The following TMEM154 variants were observed in gnomAD, a reference collection of about 807,000 sequenced individuals.
The protein encoded by TMEM154 is transmembrane protein 154.
Under a neutral mutation model 24.5 loss-of-function variants are expected in TMEM154, and 27 were observed. The ratio of observed to expected loss-of-function variants is 1.10; its 90% CI spans 0.81 to 1.52. The LOEUF (loss-of-function observed/expected upper bound fraction) is 1.52, where lower values mean the gene tolerates loss of function less well. Among genes scored for constraint, TMEM154 ranks in the 40% most tolerant of loss-of-function variants. TMEM154 has a pLI of 0.00. For missense variants in TMEM154, 228 were observed against 213.4 expected (o/e 1.07, Z -0.43); for synonymous variants, 67 against 76.8 (o/e 0.87, Z 0.67).
intron 1 of TMEM154, among the ~76,000 whole-genome samples, chr4:152,676,170 C>G (rs1728949564): frequency 6.6e-6 from 1 of 152,218 alleles, no homozygotes; most frequent in Non-Finnish European, 1.5e-5. Context: ...CCCTCCCTTC[C>G]TCCTCAGCAG....
intron 1 of TMEM154, chr4:152,666,426 G>A (rs1185403532): frequency 1.3e-5 from 2 of 152,132 alleles, no homozygotes; most frequent in Non-Finnish European, 2.9e-5. Flanking sequence ...CGTGAAGACA[G>A]TCATTAGTTT....
chr4:152,638,201 G>A (rs1323240628), intron 6 of TMEM154, among the ~76,000 whole-genome samples: 1 of 152,210 alleles, frequency 6.6e-6, no homozygotes, highest in African/African-American at 2.4e-5. Flanking sequence ...AGGAGGTTGA[G>A]GCTACAGTGA....
chr4:152,661,284 T>TTCTCTCTTTCTCTC (rs1728596382), intron 1 of TMEM154, among the ~76,000 whole-genome samples: 2 of 63,410 alleles, frequency 3.2e-5, no homozygotes, highest in East Asian at 5.2e-4. Flanking sequence ...ATTGTTCTCT[T>TTCTCTCTTTCTCTC]TCTCTCTCTC....
intron 1 of TMEM154, among the ~76,000 whole-genome samples, chr4:152,672,729 C>T (rs529968079): frequency 6.6e-6 from 1 of 152,250 alleles, no homozygotes; most frequent in Non-Finnish European, 1.5e-5. Flanking sequence ...GAAAGTATAC[C>T]TACTGAAAAG....
intron 1 of TMEM154, among the ~76,000 whole-genome samples, chr4:152,674,516 C>A (rs549953429): frequency 6.6e-6 from 1 of 152,272 alleles, no homozygotes; most frequent in South Asian, 2.1e-4. Context: ...GCCTGGCTTG[C>A]TCCACTGCCG....
At chr4:152,653,963 C>T (rs1561052182) in intron 1 of TMEM154, among the ~76,000 whole-genome samples, 1 of 151,358 alleles carries the variant, frequency 6.6e-6, no homozygotes, top group South Asian at 2.1e-4. Flanking sequence ...TGCTTGAACC[C>T]AGGAAGCAGA....
intron 1 of TMEM154, among the ~76,000 whole-genome samples, chr4:152,657,101 G>A (rs1728507088): frequency 6.7e-6 from 1 of 149,270 alleles, no homozygotes; most frequent in Non-Finnish European, 1.5e-5. Context: ...TTGAAGACAG[G>A]TCTTTTGAAA....
At chr4:152,670,310 G>A (rs906367671) in intron 1 of TMEM154, among the ~76,000 whole-genome samples, 12 of 152,192 alleles carry the variant, frequency 7.9e-5, no homozygotes, top group African/African-American at 2.7e-4. Context: ...TGGGAGGCCG[G>A]GTGCGGTGGC....
chr4:152,666,888 T>G (rs1004081168), intron 1 of TMEM154: 1 of 152,266 alleles, frequency 6.6e-6, no homozygotes, highest in Non-Finnish European at 1.5e-5. Context: ...GGGACACCAA[T>G]GCTCAGACTA....
intron 1 of TMEM154, among the ~76,000 whole-genome samples, chr4:152,677,528 CA>C (rs1335668638): frequency 2.6e-5 from 4 of 152,218 alleles, no homozygotes; most frequent in Non-Finnish European, 5.9e-5. Flanking sequence ...AAGTAGTGTA[CA>C]TTAATTAATT....
chr4:152,672,463 G>A (rs903088346), intron 1 of TMEM154, among the ~76,000 whole-genome samples: 1 of 152,182 alleles, frequency 6.6e-6, no homozygotes, highest in African/African-American at 2.4e-5. Flanking sequence ...ATTAGGACAA[G>A]TGCTATGGAG....
At chr4:152,657,551 A>G (rs887488433) in intron 1 of TMEM154, among the ~76,000 whole-genome samples, 5 of 152,206 alleles carry the variant, frequency 3.3e-5, no homozygotes, top group Non-Finnish European at 7.4e-5. Flanking sequence ...TAATGAAACA[A>G]TAGATGAAAA....
In TMEM154 at chr4:152,628,324, T is replaced by C; in HGVS notation, c.*222A>G. 1.4e-6 allele frequency: 1 copy of C among 729,284 alleles called. No homozygotes were observed. Among genetic ancestry groups the C allele is most frequent in the Non-Finnish European group, 2.3e-6 (1 of 441,856 alleles). 45.2% of individuals were successfully genotyped at this position (729,284 alleles called of 1,614,324 possible). A position where few individuals can be genotyped will look rare whatever the true frequency, so the allele number is the denominator to read the frequency against. On this transcript the variant is annotated 3_prime_UTR_variant, in exon 7 of 7. Coordinates refer to ENST00000304385, the MANE Select transcript of TMEM154 (RefSeq NM_152680.3). ...CTCCACCCTCAGAGGCAGCGATGGATGGCAGCCAGGCCTTTTCCTAGTACT... is the reference window on the plus strand; with the variant it reads ...CTCCACCCTCAGAGGCAGCGATGGACGGCAGCCAGGCCTTTTCCTAGTACT...
intron 6 of TMEM154, among the ~76,000 whole-genome samples, chr4:152,636,035 T>C (rs1420999710): frequency 6.6e-6 from 1 of 152,158 alleles, no homozygotes; most frequent in East Asian, 1.9e-4. Flanking sequence ...GGAAACCGTC[T>C]AACTACAAAT....
chr4:152,651,697 A>G (rs552832811), intron 3 of TMEM154, among the ~76,000 whole-genome samples: 27 of 152,306 alleles, frequency 1.8e-4, no homozygotes, highest in African/African-American at 6.3e-4. Context: ...TTGCTTTCCT[A>G]TCATTGTATG....
intron 1 of TMEM154, among the ~76,000 whole-genome samples, chr4:152,678,819 T>C (rs987152584): frequency 1.3e-5 from 2 of 152,258 alleles, no homozygotes; most frequent in African/African-American, 4.8e-5. Context: ...CTTTGTTTTC[T>C]ACCTCAGATG....
chr4:152,672,511 T>A (rs75145617), intron 1 of TMEM154, among the ~76,000 whole-genome samples: 325 of 152,232 alleles, frequency 2.1e-3, no homozygotes, highest in African/African-American at 7.4e-3. Context: ...GTCTTTTGGG[T>A]TTAGCTTTTA....
intron 6 of TMEM154, among the ~76,000 whole-genome samples, 161 bp from the exon 7 acceptor site, chr4:152,628,722 C>T (rs1751971992): frequency 6.7e-6 from 1 of 150,324 alleles, no homozygotes; most frequent in Non-Finnish European, 1.5e-5. Context: ...CTGCAAGCTC[C>T]ACCTCCCAGG....
intron 6 of TMEM154, among the ~76,000 whole-genome samples, chr4:152,633,749 G>A (rs1752094653): frequency 6.6e-6 from 1 of 152,094 alleles, no homozygotes; most frequent in South Asian, 2.1e-4. Flanking sequence ...TGAGCCTCAA[G>A]GACCACTTGA....
Sources: allele counts gnomAD v4.1 joint callset (sites outside exome capture counted in the v4.1 genomes callset), GRCh38; gene constraint gnomAD v4.1.1; transcripts MANE v1.5; gene names NCBI Gene and HGNC (gene_info 2026-07-23, HGNC 2026-07-21).